Variants in RPS6KC1 observed in about 807,000 individuals in gnomAD.
The protein encoded by RPS6KC1 is ribosomal protein S6 kinase C1.
A neutral mutation model predicts 103.8 loss-of-function variants in RPS6KC1; 54 were observed. That is an observed-to-expected ratio of 0.52 (90% CI 0.42 to 0.65). RPS6KC1 has a LOEUF of 0.65. RPS6KC1 is among the 30% of genes least tolerant of loss of function. The pLI, the probability that RPS6KC1 is intolerant of heterozygous loss-of-function variation, is 0.00. For missense variants in RPS6KC1, 1,151 were observed against 1,253.8 expected (o/e 0.92, Z 1.24); for synonymous variants, 439 against 438.7 (o/e 1.00, Z -0.01).
At chr1:213,341,462 T>C in the RPS6KC1 span, among the ~76,000 whole-genome samples, 1 of 152,208 alleles carries the variant, frequency 6.6e-6, no homozygotes, top group Non-Finnish European at 1.5e-5. Flanking sequence ...TATCTTACCA[T>C]GTAGGAATTT....
the RPS6KC1 span, among the ~76,000 whole-genome samples, chr1:213,827,804 A>T: frequency 6.6e-6 from 1 of 152,060 alleles, no homozygotes; most frequent in African/African-American, 2.4e-5. Flanking sequence ...TGAAGGAGGG[A>T]ATGCAGCCCC....
chr1:213,076,392 T>A (rs2079338057), intron 2 of RPS6KC1, among the ~76,000 whole-genome samples: 1 of 152,244 alleles, frequency 6.6e-6, no homozygotes, highest in African/African-American at 2.4e-5. Context: ...AAATCACACC[T>A]GGTTACCTGC....
At chr1:213,202,885 T>C (rs564964673) in intron 8 of RPS6KC1, among the ~76,000 whole-genome samples, 59 of 152,338 alleles carry the variant, frequency 3.9e-4, no homozygotes, top group African/African-American at 1.4e-3. Flanking sequence ...TAAATGCTCT[T>C]TAATGGTCTC....
At chr1:213,490,454 G>C in the RPS6KC1 span, among the ~76,000 whole-genome samples, 3 of 152,120 alleles carry the variant, frequency 2.0e-5, no homozygotes, top group Admixed American at 1.3e-4. Flanking sequence ...CTTCCCTCTT[G>C]ACTCTGTATG....
At chr1:213,619,878 A>C in the RPS6KC1 span, among the ~76,000 whole-genome samples, 1 of 152,366 alleles carries the variant, frequency 6.6e-6, no homozygotes, top group East Asian at 1.9e-4. Flanking sequence ...GAAATAGAAG[A>C]GAGAACTACA....
the RPS6KC1 span, among the ~76,000 whole-genome samples, chr1:213,752,026 A>G: frequency 5.9e-5 from 9 of 152,230 alleles, no homozygotes; most frequent in African/African-American, 1.4e-4. Flanking sequence ...TAGGTTAACT[A>G]TATCTAACCC....
chr1:213,428,522 T>TCCTTCCTTCCTTCCTC, the RPS6KC1 span, among the ~76,000 whole-genome samples: 1 of 45,836 alleles, frequency 2.2e-5, no homozygotes. Context: ...TCCTTCCTCT[T>TCCTTCCTTCCTTCCTC]TCTCTCTCTC....
chr1:213,177,613 G>T (rs1027738354), intron 8 of RPS6KC1, among the ~76,000 whole-genome samples: 12 of 152,096 alleles, frequency 7.9e-5, no homozygotes, highest in Non-Finnish European at 1.3e-4. Context: ...AAAATTCTAA[G>T]TAGTAGGATT....
At chr1:213,626,857 C>G in the RPS6KC1 span, among the ~76,000 whole-genome samples, 1 of 152,098 alleles carries the variant, frequency 6.6e-6, no homozygotes, top group South Asian at 2.1e-4. Flanking sequence ...AGCCAGGTAG[C>G]GTGATGCCTC....
At chr1:213,270,492 T>C (rs2095021756) in intron 14 of RPS6KC1, among the ~76,000 whole-genome samples, 1 of 152,086 alleles carries the variant, frequency 6.6e-6, no homozygotes, top group African/African-American at 2.4e-5. Context: ...ATGAAGACAA[T>C]AGAGTGGGTG....
chr1:213,106,880 C>A (rs897173499), intron 4 of RPS6KC1, among the ~76,000 whole-genome samples: 1 of 152,106 alleles, frequency 6.6e-6, no homozygotes, highest in African/African-American at 2.4e-5. Context: ...GTACAATTCA[C>A]CGATTTTCAG....
chr1:213,077,632 TTTG>T (rs2079464315), intron 2 of RPS6KC1, 61 bp from the exon 3 acceptor site: 7 of 1,027,180 alleles, frequency 6.8e-6, no homozygotes, highest in Non-Finnish European at 9.7e-6. Flanking sequence ...GAAAGGATTA[TTTG>T]TTGTTCAGAT....
chr1:213,253,162 T>C (rs1159295616), intron 12 of RPS6KC1, among the ~76,000 whole-genome samples: 5 of 152,158 alleles, frequency 3.3e-5, no homozygotes, highest in Non-Finnish European at 7.4e-5. Context: ...GGAGAGAAGA[T>C]AGCAACAACA....
At chr1:213,712,960 C>T in the RPS6KC1 span, among the ~76,000 whole-genome samples, 2 of 152,106 alleles carry the variant, frequency 1.3e-5, no homozygotes, top group Admixed American at 6.5e-5. Flanking sequence ...CCTATTCTGC[C>T]ATCTTGCCTG....
chr1:213,487,349 T>C, the RPS6KC1 span, among the ~76,000 whole-genome samples: 1 of 152,124 alleles, frequency 6.6e-6, no homozygotes, highest in Non-Finnish European at 1.5e-5. Flanking sequence ...TGAGCCCACA[T>C]CATACTCCTG....
chr1:213,588,345 G>A, the RPS6KC1 span, among the ~76,000 whole-genome samples: 1 of 149,724 alleles, frequency 6.7e-6, no homozygotes, highest in African/African-American at 2.5e-5. Context: ...CCAGGCTGGA[G>A]TGCAGTGGCG....
chr1:213,439,861 GAGA>G, the RPS6KC1 span, among the ~76,000 whole-genome samples: 5 of 151,998 alleles, frequency 3.3e-5, no homozygotes, highest in African/African-American at 1.2e-4. Context: ...GAGAGAGAGA[GAGA>G]AGGAGAGAGA....
the RPS6KC1 span, among the ~76,000 whole-genome samples, chr1:213,375,178 TACAC>T: frequency 7.3e-3 from 1,106 of 151,458 alleles, 12 homozygotes; most frequent in African/African-American, 0.026. Context: ...CACATACACA[TACAC>T]ACATGTACAT....
chr1:213,704,788 A>G, the RPS6KC1 span, among the ~76,000 whole-genome samples: 4,496 of 152,308 alleles, frequency 0.03, 208 homozygotes, highest in African/African-American at 0.1. Context: ...TACATATTCA[A>G]AAAGACTTGG....
Sources: gnomAD v4.1 joint callset for allele counts (sites outside exome capture counted in the v4.1 genomes callset) on GRCh38, gnomAD v4.1.1 for gene constraint, MANE v1.5 for transcripts, NCBI Gene and HGNC (gene_info 2026-07-23, HGNC 2026-07-21) for gene names.